ITPK1: variants seen among roughly 807,000 people sequenced by gnomAD.
ITPK1 encodes inositol 1,3,4-trisphosphate 5/6-kinase.
A neutral mutation model predicts 45.3 loss-of-function variants in ITPK1; 21 were observed. That is an observed-to-expected ratio of 0.46 (90% CI 0.33 to 0.67). The LOEUF (loss-of-function observed/expected upper bound fraction) is 0.67. Ranked by LOEUF, ITPK1 falls within the 30% of genes least tolerant of loss-of-function variation. ITPK1 has a pLI of 0.02. For missense variants in ITPK1, 474 were observed against 573.5 expected, an observed-to-expected ratio of 0.83 and a Z score of 1.77; for synonymous variants, 258 against 253.6, an observed-to-expected ratio of 1.02 and a Z score of -0.16.
intron 3 of ITPK1, among the ~76,000 whole-genome samples, chr14:93,049,948 G>A (rs554977310): frequency 2.6e-5 from 4 of 152,170 alleles, no homozygotes; most frequent in Admixed American, 6.5e-5. Flanking sequence ...TTACAAACAC[G>A]GTCCCTCCAG....
chr14:92,939,971 A>G lies in ITPK1; in HGVS notation c.*1590T>C, dbSNP rs1887278696. 1.0e-6 allele frequency: 1 copy of G among 985,788 alleles called. No homozygotes were observed. Among genetic ancestry groups the G allele is most frequent in the African/African-American group, 1.7e-5 (1 of 57,240 alleles). The allele number at this position is 985,788 out of a possible 1,614,324, so 61.1% of individuals were successfully genotyped here. On this transcript the variant is annotated 3_prime_UTR_variant, in exon 11 of 11. Coordinates refer to ENST00000267615, the MANE Select transcript of ITPK1 (RefSeq NM_014216.6). ...CAGAACTAGGAAAGGTGACGTACAGACATTAATCGGGGTTCAAAACTCAAG... is the reference window on the plus strand; with the variant it reads ...CAGAACTAGGAAAGGTGACGTACAGGCATTAATCGGGGTTCAAAACTCAAG...
intron 4 of ITPK1, among the ~76,000 whole-genome samples, chr14:92,997,848 T>C (rs1887139840): frequency 1.3e-5 from 2 of 152,210 alleles, no homozygotes; most frequent in South Asian, 2.1e-4. Flanking sequence ...GGTGCCCACC[T>C]ACAGCGCAAG....
rs1356947615 is a variant in ITPK1, at chr14:93,014,738, T to G, written c.246+1938A>C. Among the ~76,000 whole-genome samples the G allele has an allele frequency of 6.6e-6, 1 of 151,132 alleles. No homozygotes were observed. Among genetic ancestry groups the G allele is most frequent in the Non-Finnish European group, 1.5e-5 (1 of 67,710 alleles). ...CACCTGGACCACTTTCTAGTTGTCC[T>G]GCAGCTGCTTCTTCCTCCACAGGAC... On this transcript the variant is annotated intron_variant, in intron 4 of 10. Transcript: ENST00000267615. The surrounding 1 kb of genome is among the most constrained non-coding windows in gnomAD (Gnocchi z 4.4).
intron 3 of ITPK1, among the ~76,000 whole-genome samples, chr14:93,026,386 T>C (rs1888728783): frequency 6.6e-6 from 1 of 152,166 alleles, no homozygotes; most frequent in Non-Finnish European, 1.5e-5. Flanking sequence ...GCTTCCAACA[T>C]ATAAAAATTA....
intron 5 of ITPK1, among the ~76,000 whole-genome samples, chr14:92,990,669 C>T (rs1045322848): frequency 8.5e-5 from 13 of 152,162 alleles, no homozygotes; most frequent in African/African-American, 2.9e-4. Context: ...CCGGAGACAG[C>T]GATGCTGGGA....
At position 93,016,965 on chromosome 14, in the gene ITPK1, G is replaced by A. The variant is rs933638085; in HGVS notation, c.121-164C>T. On this transcript the variant is annotated intron_variant, in intron 3 of 10. Coordinates refer to ENST00000267615, the MANE Select transcript of ITPK1 (RefSeq NM_014216.6). This position sits in a 1 kb window ranked among gnomAD's most constrained non-coding sequence, Gnocchi z 5.0. ...GGGCTGACATGGAAAATACAGACAG[G>A]ACAAGCAGGACAAACCCTCCAAGAC... 2.6e-5 allele frequency among the ~76,000 whole-genome samples: 4 copies of A among 152,044 alleles called. No individual in the cohort carries two copies. Among genetic ancestry groups the A allele is most frequent in the African/African-American group, 4.8e-5 (2 of 41,396 alleles).
chr14:92,986,012 A>T (rs1566716532), intron 5 of ITPK1, among the ~76,000 whole-genome samples: 2 of 152,124 alleles, frequency 1.3e-5, no homozygotes, highest in Non-Finnish European at 2.9e-5. Context: ...CTTTAGATTC[A>T]CTATGGCGCT....
intron 5 of ITPK1, among the ~76,000 whole-genome samples, chr14:92,984,495 C>CT (rs1183818372): frequency 6.6e-6 from 1 of 151,900 alleles, no homozygotes; most frequent in Non-Finnish European, 1.5e-5. Flanking sequence ...GGATTTTTTT[C>CT]TTTTTTATAG....
intron 3 of ITPK1, among the ~76,000 whole-genome samples, chr14:93,021,572 G>C (rs371258441): frequency 6.7e-6 from 1 of 149,280 alleles, no homozygotes; most frequent in Non-Finnish European, 1.5e-5. Flanking sequence ...CAGCTTGGGC[G>C]ACAGAATGAG....
intron 2 of ITPK1, among the ~76,000 whole-genome samples, chr14:93,100,308 C>T (rs1011573107): frequency 6.6e-6 from 1 of 152,132 alleles, no homozygotes; most frequent in Admixed American, 6.5e-5. Context: ...GCTGTGTGAC[C>T]CCAGGCAAGT....
chr14:93,048,749 G>C (rs1889888204), intron 3 of ITPK1, among the ~76,000 whole-genome samples: 1 of 152,160 alleles, frequency 6.6e-6, no homozygotes, highest in Non-Finnish European at 1.5e-5. Context: ...AGGAGTTCGA[G>C]ACCAGCCTGG....
chr14:92,949,301 C>A (rs548676369), intron 9 of ITPK1, among the ~76,000 whole-genome samples: 1 of 152,138 alleles, frequency 6.6e-6, no homozygotes, highest in East Asian at 1.9e-4. Flanking sequence ...GATCTCACTA[C>A]GTTTCCCAGG....
At chr14:93,045,752 T>C (rs1834529148) in intron 3 of ITPK1, among the ~76,000 whole-genome samples, 1 of 152,174 alleles carries the variant, frequency 6.6e-6, no homozygotes, top group African/African-American at 2.4e-5. Context: ...CTATACTCTC[T>C]AATTCAGACT....
chr14:93,090,579 G>C (rs1263644820), intron 2 of ITPK1, among the ~76,000 whole-genome samples: 1 of 152,138 alleles, frequency 6.6e-6, no homozygotes, highest in Non-Finnish European at 1.5e-5. Flanking sequence ...GCTCAAGATA[G>C]AGAGGAATGA....
At chr14:93,112,725 A>C (rs1384368806) in intron 2 of ITPK1, among the ~76,000 whole-genome samples, 1 of 151,980 alleles carries the variant, frequency 6.6e-6, no homozygotes. Flanking sequence ...GACAGAAGAC[A>C]CGGCACCCGG....
chr14:93,009,948 TC>T (rs924972711), intron 4 of ITPK1, among the ~76,000 whole-genome samples: 4 of 151,960 alleles, frequency 2.6e-5, no homozygotes, highest in Non-Finnish European at 4.4e-5. Flanking sequence ...TGACTTAACT[TC>T]CCCGGGCCGC....
chr14:92,948,946 G>C (rs1275820598), intron 9 of ITPK1, among the ~76,000 whole-genome samples: 2 of 99,730 alleles, frequency 2.0e-5, no homozygotes, highest in African/African-American at 1.2e-4. Flanking sequence ...GCCTACACCA[G>C]CGCATCTCCC....
chr14:93,056,778 C>T (rs1328195202), intron 3 of ITPK1, among the ~76,000 whole-genome samples: 1 of 152,180 alleles, frequency 6.6e-6, no homozygotes, highest in Non-Finnish European at 1.5e-5. Context: ...ACAACTCTGA[C>T]AGATTCAACA....
At position 92,970,859 on chromosome 14, in the gene ITPK1, T is replaced by C. The variant is rs188672617; in HGVS notation, c.365-8010A>G. On this transcript the variant is annotated intron_variant, in intron 5 of 10. Coordinates refer to ENST00000267615, the MANE Select transcript of ITPK1 (RefSeq NM_014216.6). ...ACCGTGTTAGCCAGGATGGTCTCGA[T>C]CTCCTGACCCCGTGATCCGCCCGCC... 8.9e-3 allele frequency among the ~76,000 whole-genome samples: 1,356 copies of C among 152,104 alleles called. 17 individuals are homozygous for C. The highest frequency in any genetic ancestry group is 0.031 in the African/African-American group (1,273 of 41,524).
Sources: gnomAD v4.1 joint callset for allele counts (sites outside exome capture counted in the v4.1 genomes callset) on GRCh38, gnomAD v4.1.1 for gene constraint, Gnocchi (gnomAD v3.1) non-coding constraint, MANE v1.5 for transcripts, NCBI Gene and HGNC (gene_info 2026-07-23, HGNC 2026-07-21) for gene names.